The following PTPDC1 variants were observed in gnomAD, a reference collection of about 807,000 sequenced individuals.
The protein encoded by PTPDC1 is protein tyrosine phosphatase domain containing 1.
A neutral mutation model predicts 75.3 loss-of-function variants in PTPDC1; 53 were observed. The ratio of observed to expected loss-of-function variants is 0.70; its 90% CI spans 0.56 to 0.88. The LOEUF (loss-of-function observed/expected upper bound fraction) is 0.88, where lower values mean the gene tolerates loss of function less well. Ranked by LOEUF, PTPDC1 falls within the 40% of genes least tolerant of loss-of-function variation. The probability of loss-of-function intolerance (pLI) is 0.00; values close to 1 mark genes in which losing one functional copy is unlikely to be tolerated. For synonymous variants in PTPDC1, 349 were observed against 366.2 expected (o/e 0.95, Z 0.54); for missense variants, 925 against 998.6 (o/e 0.93, Z 0.99).
At chr9:94,044,659 A>G (rs1825532479) in intron 1 of PTPDC1, among the ~76,000 whole-genome samples, 1 of 151,874 alleles carries the variant, frequency 6.6e-6, no homozygotes, top group Admixed American at 6.6e-5. Context: ...ATGGACAACC[A>G]TGAAAGACAA....
At position 94,108,120 on chromosome 9, in the gene PTPDC1, T is replaced by G. The variant is rs1276567727; in HGVS notation, c.*176T>G. 1 of 380,246 alleles carries G rather than the reference T, an allele frequency of 2.6e-6. No individual in the cohort carries two copies. The highest frequency in any genetic ancestry group is 4.0e-5 in the East Asian group (1 of 25,016). 23.6% of individuals were successfully genotyped at this position (380,246 alleles called of 1,614,324 possible). A position where few individuals can be genotyped will look rare whatever the true frequency, so the allele number is the denominator to read the frequency against. ...AACCAATTATTTATTTTAAAATATATTTAAGCTACATTTTTGTTTTGAAAA... is the reference window on the plus strand; with the variant it reads ...AACCAATTATTTATTTTAAAATATAGTTAAGCTACATTTTTGTTTTGAAAA... On this transcript the variant is annotated 3_prime_UTR_variant, in exon 9 of 9. Coordinates refer to ENST00000620992, the MANE Select transcript of PTPDC1 (RefSeq NM_001253829.2).
intron 1 of PTPDC1, among the ~76,000 whole-genome samples, chr9:94,041,911 G>A (rs374092020): frequency 2.6e-5 from 4 of 152,246 alleles, no homozygotes; most frequent in East Asian, 3.9e-4. Flanking sequence ...CTTTTAGGCC[G>A]TGTCAGTGAC....
intron 1 of PTPDC1, among the ~76,000 whole-genome samples, chr9:94,048,688 T>G (rs1234338383): frequency 6.6e-6 from 1 of 152,204 alleles, no homozygotes; most frequent in Non-Finnish European, 1.5e-5. Context: ...TCTGTTGCCT[T>G]GGGGTGGAGA....
chr9:94,099,924 T>G (rs981688499), intron 6 of PTPDC1, among the ~76,000 whole-genome samples: 1 of 152,234 alleles, frequency 6.6e-6, no homozygotes, highest in Non-Finnish European at 1.5e-5. Flanking sequence ...TTTTGCATTT[T>G]TTTCCATTCT....
chr9:94,043,418 T>C (rs1210853141), intron 1 of PTPDC1, among the ~76,000 whole-genome samples: 1 of 152,204 alleles, frequency 6.6e-6, no homozygotes, highest in African/African-American at 2.4e-5. Flanking sequence ...TTTTAAAATA[T>C]AGTATCAAAG....
intron 2 of PTPDC1, among the ~76,000 whole-genome samples, chr9:94,073,252 A>G (rs948453251): frequency 2.6e-5 from 4 of 152,194 alleles, no homozygotes; most frequent in Non-Finnish European, 4.4e-5. Context: ...GGTAGTTGGC[A>G]GTGTTCAAGG....
chr9:94,100,271 A>G (rs1254045899), intron 6 of PTPDC1: 1 of 152,316 alleles, frequency 6.6e-6, no homozygotes, highest in Non-Finnish European at 1.5e-5. Context: ...CCATTATCCC[A>G]AGATTCTTGG....
chr9:94,036,573 A>T (rs1483789417), intron 1 of PTPDC1, among the ~76,000 whole-genome samples: 1 of 152,088 alleles, frequency 6.6e-6, no homozygotes, highest in Non-Finnish European at 1.5e-5. Flanking sequence ...TGGATGGTAA[A>T]CCTTGTGATA....
At chr9:94,057,689 G>C (rs1587854437) in intron 1 of PTPDC1, among the ~76,000 whole-genome samples, 2 of 152,188 alleles carry the variant, frequency 1.3e-5, no homozygotes, top group South Asian at 4.1e-4. Context: ...ACAGTGAACA[G>C]AGTCAAGACT....
At position 94,095,327 on chromosome 9, in the gene PTPDC1, C is replaced by T. The variant is rs374497702; in HGVS notation, c.627C>T (p.Tyr209=). Residue 209 remains tyrosine, a synonymous_variant, in exon 5 of 9, where the codon TAC becomes TAT. Coordinates refer to ENST00000620992, the MANE Select transcript of PTPDC1 (RefSeq NM_001253829.2). ...EAFMEAGIYF[Y]NFGWKDYGVA... ...TTTCTTTTTTCCTAGTTTACTTCTA[C>T]AATTTCGGATGGAAGGATTATGGTG... 11 of 1,599,594 alleles carry T rather than the reference C, an allele frequency of 6.9e-6. No individual in the cohort carries two copies. Among genetic ancestry groups the T allele is most frequent in the Non-Finnish European group, 9.4e-6 (11 of 1,174,546 alleles).
intron 7 of PTPDC1, 71 bp downstream of exon 7, chr9:94,101,822 C>A: frequency 1.2e-5 from 10 of 848,766 alleles, no homozygotes; most frequent in Admixed American, 3.0e-5. Context: ...AAAAAAAAAT[C>A]CATTATAAAA....
intron 2 of PTPDC1, among the ~76,000 whole-genome samples, chr9:94,066,644 G>A (rs897803354): frequency 2.6e-5 from 4 of 151,966 alleles, no homozygotes; most frequent in Non-Finnish European, 4.4e-5. Context: ...TGCAGCCTCC[G>A]CCTCTCAGGT....
At chr9:94,045,042 G>C (rs1283653511) in intron 1 of PTPDC1, among the ~76,000 whole-genome samples, 1 of 124,386 alleles carries the variant, frequency 8.0e-6, no homozygotes, top group Admixed American at 1.1e-4. Flanking sequence ...CCCTTCCTGT[G>C]TCCATGTGTT....
intron 1 of PTPDC1, among the ~76,000 whole-genome samples, chr9:94,032,258 A>G (rs533765144): frequency 2.0e-5 from 3 of 152,238 alleles, no homozygotes; most frequent in Admixed American, 1.3e-4. Context: ...GCAAAATCTC[A>G]GCTCCCACTC....
At chr9:94,045,337 A>T (rs1268298822) in intron 1 of PTPDC1, among the ~76,000 whole-genome samples, 1 of 152,150 alleles carries the variant, frequency 6.6e-6, no homozygotes, top group Non-Finnish European at 1.5e-5. Context: ...AGCATGATTT[A>T]TAATCCTTTG....
intron 1 of PTPDC1, among the ~76,000 whole-genome samples, chr9:94,061,597 A>G (rs1253672613): frequency 6.6e-6 from 1 of 152,224 alleles, no homozygotes; most frequent in African/African-American, 2.4e-5. Context: ...GAGGTTCCCA[A>G]GCTTCAGCTC....
chr9:94,044,629 C>T (rs1164990178), intron 1 of PTPDC1, among the ~76,000 whole-genome samples: 2 of 151,994 alleles, frequency 1.3e-5, no homozygotes, highest in Non-Finnish European at 2.9e-5. Flanking sequence ...TCAGTAGATT[C>T]TTTGGGGTTT....
At chr9:94,094,041 A>C (rs983284479) in intron 4 of PTPDC1, among the ~76,000 whole-genome samples, 2 of 152,208 alleles carry the variant, frequency 1.3e-5, no homozygotes, top group Admixed American at 6.5e-5. Context: ...GTCCTCCCGT[A>C]GCTCAGAGTA....
At chr9:94,043,158 T>A (rs1330696753) in intron 1 of PTPDC1, among the ~76,000 whole-genome samples, 1 of 152,210 alleles carries the variant, frequency 6.6e-6, no homozygotes, top group East Asian at 1.9e-4. Flanking sequence ...TATTTTGACC[T>A]CCTCCCATGA....
Sources: gnomAD v4.1 joint callset for allele counts (sites outside exome capture counted in the v4.1 genomes callset) on GRCh38, gnomAD v4.1.1 for gene constraint, MANE v1.5 for transcripts, NCBI Gene and HGNC (gene_info 2026-07-23, HGNC 2026-07-21) for gene names.